DMPK: variants seen among roughly 807,000 people sequenced by gnomAD.
The protein encoded by DMPK is DM1 protein kinase.
Under a neutral mutation model 70.3 loss-of-function variants are expected in DMPK, and 32 were observed. That is an observed-to-expected ratio of 0.46 (90% CI 0.34 to 0.61). DMPK has a LOEUF of 0.61. Among genes scored for constraint, DMPK ranks in the 20% least tolerant of loss-of-function variants. The probability of loss-of-function intolerance (pLI) is 0.01; values close to 1 mark genes in which losing one functional copy is unlikely to be tolerated. For missense variants in DMPK, 899 were observed against 886.0 expected (o/e 1.01, Z -0.19); for synonymous variants, 469 against 390.9 (o/e 1.20, Z -2.36).
chr19:45,780,088 C>G, intron 1 of DMPK: 1 of 1,493,466 alleles, frequency 6.7e-7, no homozygotes, highest in Non-Finnish European at 8.9e-7. Flanking sequence ...AAGCCCTTTG[C>G]GGGACAGGGC....
At chr19:45,771,164 A>G in intron 13 of DMPK, 104 bp from the exon 14 acceptor site, 1 of 1,170,916 alleles carries the variant, frequency 8.5e-7, no homozygotes, top group South Asian at 1.5e-5. Context: ...TTATCTAGGG[A>G]GATCCCGGAG....
Position 45,775,006 on chromosome 19 carries a change from G to C in DMPK, c.1175C>G (p.Ala392Gly), listed in dbSNP as rs753483995. The C allele has an allele frequency of 1.3e-5, 21 of 1,613,696 alleles. No individual in the cohort carries two copies. Among genetic ancestry groups the C allele is most frequent in the Non-Finnish European group, 1.6e-5 (19 of 1,179,934 alleles). Residue 392 changes from alanine (A) to glycine (G), a missense_variant, in exon 9 of 15, where the codon GCG (alanine) becomes GGG (glycine). Ala to Gly is a moderately conservative substitution (Grantham distance 60). Around this residue, in one of 3 missense-constraint regions of DMPK, gnomAD observed 555 missense variants for 483.8 expected, o/e 1.15. Coordinates refer to ENST00000291270, the MANE Select transcript of DMPK (RefSeq NM_004409.5). ...GETLSDIREG[A>G]PLGVHLPFVG... ...AAAAGGCAGGTGGACCCCTAGCGGCGCACCTTCCCGAATGTCCGACAGTGT... is the reference window on the plus strand; with the variant it reads ...AAAAGGCAGGTGGACCCCTAGCGGCCCACCTTCCCGAATGTCCGACAGTGT...
chr19:45,773,341 A>G (rs1008605998), intron 9 of DMPK, among the ~76,000 whole-genome samples: 1 of 152,194 alleles, frequency 6.6e-6, no homozygotes, highest in Non-Finnish European at 1.5e-5. Context: ...GATGGGTTCA[A>G]TCCTGACCCA....
At chr19:45,780,353 C>T in intron 1 of DMPK, 1 of 1,520,358 alleles carries the variant, frequency 6.6e-7, no homozygotes, top group Non-Finnish European at 8.8e-7. Context: ...GGTTCTTGAA[C>T]CACACTTTGG....
intron 4 of DMPK, 26 bp downstream of exon 4, chr19:45,779,238 C>T: frequency 6.2e-7 from 1 of 1,610,416 alleles, no homozygotes; most frequent in South Asian, 1.1e-5. Flanking sequence ...TGTCCCTCTT[C>T]CTAGTCACCC....
In DMPK at chr19:45,771,392, G is replaced by C. The variant is rs140231303; in HGVS notation, c.1605C>G (p.Val535=). The change falls in exon 13 of 15, where the codon GTC becomes GTG. Residue 535 remains valine, a synonymous_variant. Coordinates refer to ENST00000291270, the MANE Select transcript of DMPK (RefSeq NM_004409.5). ...TGGCCCGGGGACTGGGGACCCCCGT[G>C]ACAGCTGGAAGGAGAAGAAAGAGGC... ...ELLQAEGATA[V]TGVPSPRATD... The C allele has an allele frequency of 1.9e-6, 3 of 1,606,684 alleles. No individual in the cohort carries two copies. Among genetic ancestry groups the C allele is most frequent in the Admixed American group, 3.5e-5 (2 of 57,000 alleles).
chr19:45,770,669 G>C (rs1438308539), intron 14 of DMPK, 29 bp from the exon 15 acceptor site: 2 of 1,546,850 alleles, frequency 1.3e-6, no homozygotes, highest in Non-Finnish European at 8.7e-7. Context: ...GTCAACACCC[G>C]GCATGGGCCT....
In DMPK at chr19:45,782,294, A is replaced by T; in HGVS notation, c.59T>A (p.Leu20Gln). The T allele has an allele frequency of 6.3e-7, 1 of 1,597,024 alleles. No homozygotes were observed. Among genetic ancestry groups the T allele is most frequent in the Non-Finnish European group, 8.5e-7 (1 of 1,172,916 alleles). ...AAGGTCGAGCAGGGGCTCCAGCCCC[A>T]GGAAGCCCGGGTCCAACACCAGCTG... ...LQQLVLDPGFLGLEPLLDLLL... is the reference protein window; with the variant it reads ...LQQLVLDPGFQGLEPLLDLLL... The change falls in exon 1 of 15, where the codon CTG (leucine) becomes CAG (glutamine). Residue 20 changes from leucine (L) to glutamine (Q), a missense_variant. This residue lies in a region of DMPK where 149 missense variants were observed against 142.5 expected (regional missense o/e 1.05). Transcript: ENST00000291270.
Position 45,771,897 on chromosome 19 carries a change from G to A in DMPK, c.1376C>T (p.Ala459Val), listed in dbSNP as rs761415826. 161 of 1,595,322 alleles carry A rather than the reference G, an allele frequency of 1.0e-4. No individual in the cohort carries two copies. The highest frequency in any genetic ancestry group is 1.3e-4 in the Non-Finnish European group (155 of 1,170,978). ...CGTCACCTCGGCCTCAGCCTCTGCC[G>A]CAGGGACAGCCGCTGGAACTGCCAC... ...AEVAVPAAVP[A>V]AEAEAEVTLR... Residue 459 changes from alanine (A) to valine (V), a missense_variant, in exon 11 of 15, where the codon GCG becomes GTG. Coordinates refer to ENST00000291270, the MANE Select transcript of DMPK (RefSeq NM_004409.5).
rs1970176167 is a variant in DMPK at position 45,782,374 on chromosome 19, CCCCTCCCCG to C, written c.-31_-23del. The C allele has an allele frequency of 6.5e-7, 1 of 1,540,232 alleles. No individual in the cohort carries two copies. Among genetic ancestry groups the C allele is most frequent in the Non-Finnish European group, 8.8e-7 (1 of 1,142,656 alleles). On this transcript the variant is annotated 5_prime_UTR_variant, in exon 1 of 15. Coordinates refer to ENST00000291270, the MANE Select transcript of DMPK (RefSeq NM_004409.5). ...ACATGTTGGACAGGCAGCACCATGG[CCCCTCCCCG>C]GGCCGGGGGCTCGGGGTCCTCCTGT... is the stretch of plus-strand genomic sequence containing the variant.
intron 1 of DMPK, chr19:45,780,670 G>C (rs1201108853): frequency 1.0e-6 from 1 of 966,302 alleles, no homozygotes; most frequent in African/African-American, 1.8e-5. Flanking sequence ...AGGATGGAGA[G>C]AGGGATGGGT....
In DMPK at chr19:45,772,658, A is replaced by G. The variant is rs1398991424; in HGVS notation, c.1327T>C (p.Ser443Pro). 4 of 1,540,590 alleles carry G rather than the reference A, an allele frequency of 2.6e-6. No individual in the cohort carries two copies. The highest frequency in any genetic ancestry group is 3.5e-6 in the Non-Finnish European group (4 of 1,152,852). ...VQAPSLEPSVSPQDETAEVAV... is the reference protein window; with the variant it reads ...VQAPSLEPSVPPQDETAEVAV... ...CAACTTACTGTTTCATCCTGTGGGG[A>G]CACCGAGGGCTCCAGGCTGGGCGCT... Residue 443 changes from serine (S) to proline (P), a missense_variant, in exon 10 of 15, where the codon TCC becomes CCC. By Grantham distance (74) the Ser-to-Pro change is moderately conservative. This residue lies in a region of DMPK where 555 missense variants were observed against 483.8 expected (regional missense o/e 1.15). Transcript: ENST00000291270.
chr19:45,777,409 G>A lies in DMPK; in HGVS notation c.1064C>T (p.Thr355Ile). Reference sequence around the variant, plus strand: ...GTCGGTGGCACCTTCGAAATCCGGTGTAAAGGGGGGCACGCTGTCCCGGAG... The same window carrying A: ...GTCGGTGGCACCTTCGAAATCCGGTATAAAGGGGGGCACGCTGTCCCGGAG... ...DGLRDSVPPF[T>I]PDFEGATDTC... Residue 355 changes from threonine (T) to isoleucine (I), a missense_variant, in exon 8 of 15, where the codon ACA becomes ATA. Around this residue, in one of 3 missense-constraint regions of DMPK, gnomAD observed 555 missense variants for 483.8 expected, o/e 1.15. Transcript: ENST00000291270. The surrounding 1 kb of genome is among the most constrained non-coding windows in gnomAD (Gnocchi z 6.7). 1 of 1,613,242 alleles carries A rather than the reference G, an allele frequency of 6.2e-7. No individual in the cohort carries two copies.
At chr19:45,780,724 A>G in intron 1 of DMPK, 1 of 632,630 alleles carries the variant, frequency 1.6e-6, no homozygotes, top group Non-Finnish European at 2.0e-6. Context: ...TTCTGGAGGA[A>G]AGAGAGGGGT....
At chr19:45,772,080 C>T (rs1283207309) in intron 10 of DMPK, 152 bp from the exon 11 acceptor site, 8 of 1,073,192 alleles carry the variant, frequency 7.5e-6, no homozygotes, top group Non-Finnish European at 9.1e-6. Context: ...ATGATCCAAG[C>T]CCCCTCCCTT....
At chr19:45,782,104 G>GCCCCC in intron 1 of DMPK, 89 bp downstream of exon 1, 1 of 722,490 alleles carries the variant, frequency 1.4e-6, no homozygotes, top group Non-Finnish European at 2.0e-6. Context: ...CTGCCATCCT[G>GCCCCC]CCCCCCCAAC....
At chr19:45,770,791 C>A in intron 14 of DMPK, 151 bp from the exon 15 acceptor site, 1 of 1,043,486 alleles carries the variant, frequency 9.6e-7, no homozygotes, top group Non-Finnish European at 1.4e-6. Flanking sequence ...CACTCGCACG[C>A]CTCGAATCCC....
intron 1 of DMPK, among the ~76,000 whole-genome samples, chr19:45,780,916 C>T (rs1347502038): frequency 1.3e-5 from 2 of 152,030 alleles, no homozygotes; most frequent in African/African-American, 4.8e-5. Flanking sequence ...AAAAGGAGTG[C>T]TCCTCCCGGG....
chr19:45,770,682 G>A (rs966044018), intron 14 of DMPK, 42 bp from the exon 15 acceptor site: 1 of 1,542,344 alleles, frequency 6.5e-7, no homozygotes. Context: ...ATGGGCCTCT[G>A]ATTGGCTCCT....
Sources: gnomAD v4.1 joint callset for allele counts (sites outside exome capture counted in the v4.1 genomes callset) on GRCh38, gnomAD v4.1.1 for gene constraint, gnomAD v4.1.1 regional missense constraint, Gnocchi (gnomAD v3.1) non-coding constraint, MANE v1.5 for transcripts, NCBI Gene and HGNC (gene_info 2026-07-23, HGNC 2026-07-21) for gene names.